The following SEH1L variants were observed in gnomAD, a reference collection of about 807,000 sequenced individuals.
The protein encoded by SEH1L is nucleoporin SEH1.
A neutral mutation model predicts 49.5 loss-of-function variants in SEH1L; 18 were observed. The ratio of observed to expected loss-of-function variants is 0.36; its 90% CI spans 0.25 to 0.54. The LOEUF is 0.54. Among genes scored for constraint, SEH1L ranks in the 20% least tolerant of loss-of-function variants. The pLI, the probability that SEH1L is intolerant of heterozygous loss-of-function variation, is 0.87. For missense variants in SEH1L, 404 were observed against 528.8 expected (o/e 0.76, Z 2.31); for synonymous variants, 169 against 178.1 (o/e 0.95, Z 0.41).
intron 6 of SEH1L, among the ~76,000 whole-genome samples, chr18:12,980,409 C>T (rs1417044836): frequency 1.1e-5 from 1 of 95,010 alleles, no homozygotes; most frequent in Non-Finnish European, 2.1e-5. Context: ...GGCGGCTGGC[C>T]GGGCGGGGGG....
chr18:12,965,864 G>A (rs1246130484), intron 4 of SEH1L, among the ~76,000 whole-genome samples: 1 of 152,034 alleles, frequency 6.6e-6, no homozygotes, highest in Admixed American at 6.6e-5. Flanking sequence ...TCCACCTTGG[G>A]GTTGTCTAGT....
intron 6 of SEH1L, among the ~76,000 whole-genome samples, chr18:12,981,769 A>G (rs1022735497): frequency 6.7e-6 from 1 of 150,370 alleles, no homozygotes; most frequent in East Asian, 1.9e-4. Context: ...TGTGAATAAC[A>G]TATTTAACTT....
At chr18:12,980,220 C>T (rs570680708) in intron 6 of SEH1L, among the ~76,000 whole-genome samples, 116 of 140,146 alleles carry the variant, frequency 8.3e-4, no homozygotes, top group African/African-American at 2.8e-3. Context: ...GCTGACCCCC[C>T]CACCTCCCTC....
chr18:12,986,620 A>G (rs2032467764), intron 8 of SEH1L: 1 of 1,118,540 alleles, frequency 8.9e-7, no homozygotes, highest in South Asian at 4.5e-5. Flanking sequence ...AGTTTAACAG[A>G]TTGTATTCCT....
intron 3 of SEH1L, among the ~76,000 whole-genome samples, chr18:12,956,277 C>G (rs1046659595): frequency 4.6e-5 from 7 of 151,942 alleles, no homozygotes; most frequent in Non-Finnish European, 1.0e-4. Flanking sequence ...ATCTCCTGAC[C>G]TCGTGATCTG....
intron 2 of SEH1L, among the ~76,000 whole-genome samples, chr18:12,952,170 T>C (rs913175485): frequency 2.0e-5 from 3 of 151,188 alleles, no homozygotes; most frequent in African/African-American, 7.3e-5. Flanking sequence ...ATTGTTGTGA[T>C]GTTTCATACA....
rs115919193 is a variant in SEH1L, at chr18:12,962,717, C to T, written c.310-443C>T. Reference sequence around the variant, plus strand: ...TGAACTCCTGAGCTCAAGCAGTCTGCCTGCCTCGGCTTCCCAAAGTTTTGG... The same window carrying T: ...TGAACTCCTGAGCTCAAGCAGTCTGTCTGCCTCGGCTTCCCAAAGTTTTGG... On this transcript the variant is annotated intron_variant, in intron 3 of 8. Coordinates refer to ENST00000399892, the MANE Select transcript of SEH1L (RefSeq NM_001013437.2). Among the ~76,000 whole-genome samples, 1,030 of 151,708 alleles carry T rather than the reference C, an allele frequency of 6.8e-3. 15 individuals carry two copies. Among genetic ancestry groups the T allele is most frequent in the East Asian group, 0.049 (255 of 5,162 alleles).
intron 5 of SEH1L, among the ~76,000 whole-genome samples, chr18:12,974,751 G>A (rs772497914): frequency 6.6e-6 from 1 of 152,304 alleles, no homozygotes; most frequent in Non-Finnish European, 1.5e-5. Flanking sequence ...GCATTTTTAT[G>A]TGTGTTATGA....
At chr18:12,985,630 G>A in intron 8 of SEH1L, 1 of 1,002,250 alleles carries the variant, frequency 1.0e-6, no homozygotes, top group African/African-American at 1.7e-5. Context: ...GGAAAATATA[G>A]ACATATTTCT....
intron 5 of SEH1L, chr18:12,975,658 G>T (rs1333575505): frequency 8.2e-6 from 8 of 978,266 alleles, no homozygotes; most frequent in Non-Finnish European, 9.7e-6. Context: ...TGCTTGCCAA[G>T]TCTGATCTCT....
chr18:12,982,434 C>T (rs1334073382), intron 6 of SEH1L, 84 bp from the exon 7 acceptor site: 11 of 930,250 alleles, frequency 1.2e-5, no homozygotes, highest in Middle Eastern at 2.4e-4. Context: ...TAGAATTTTA[C>T]GTGTGTATAT....
chr18:12,951,696 A>G (rs1007717252), intron 1 of SEH1L, among the ~76,000 whole-genome samples, 159 bp from the exon 2 acceptor site: 5 of 152,204 alleles, frequency 3.3e-5, no homozygotes, highest in African/African-American at 9.6e-5. Context: ...CAGCCTCTCA[A>G]TAAATACTTA....
chr18:12,980,230 C>A (rs1319238416), intron 6 of SEH1L, among the ~76,000 whole-genome samples: 1 of 138,630 alleles, frequency 7.2e-6, no homozygotes, highest in African/African-American at 2.7e-5. Flanking sequence ...CCACCTCCCT[C>A]CCGGACGGGG....
In SEH1L at chr18:12,954,014, T is replaced by A. The variant is rs532808418; in HGVS notation, c.163-1449T>A. ...ACTTATCTGCCTTAGTGTGCATTTT[T>A]AATTTTATAGCCCTGTATAAGTAAG... is the stretch of plus-strand genomic sequence containing the variant. On this transcript the variant is annotated intron_variant, in intron 2 of 8. Transcript: ENST00000399892. Among the ~76,000 whole-genome samples the A allele has an allele frequency of 4.7e-4, 71 of 152,336 alleles. No homozygotes were observed. In the South Asian group the frequency reaches 0.014, roughly 30 times the overall value.
At chr18:12,974,324 G>A (rs1026420713) in intron 5 of SEH1L, 2 of 151,882 alleles carry the variant, frequency 1.3e-5, no homozygotes, top group African/African-American at 4.8e-5. Flanking sequence ...TCTGTTTCCA[G>A]GCTAGAGTGC....
At chr18:12,980,473 T>TC (rs1462941123) in intron 6 of SEH1L, among the ~76,000 whole-genome samples, 1 of 11,996 alleles carries the variant, frequency 8.3e-5, no homozygotes, top group Non-Finnish European at 1.3e-4. Context: ...GGGGGGCTGA[T>TC]CCCCCAACCT....
intron 5 of SEH1L, chr18:12,972,617 G>C (rs1487226515): frequency 6.6e-6 from 1 of 152,178 alleles, no homozygotes; most frequent in Non-Finnish European, 1.5e-5. Flanking sequence ...ACTCCCGTGG[G>C]CTCTGCAATT....
intron 3 of SEH1L, among the ~76,000 whole-genome samples, chr18:12,956,292 T>C (rs1598944897): frequency 6.6e-6 from 1 of 152,132 alleles, no homozygotes; most frequent in African/African-American, 2.4e-5. Flanking sequence ...GATCTGCCTG[T>C]CGGCCTCCCA....
In SEH1L at chr18:12,955,480, A is replaced by G. The variant is rs140218685; in HGVS notation, c.180A>G (p.Val60=). The change falls in exon 3 of 9, where the codon GTA becomes GTG. Residue 60 remains valine, a synonymous_variant. Transcript: ENST00000399892. ...TASWKTHSGS[V]WRVTWAHPEF... ...TTCCCCAGACACATAGTGGATCTGT[A>G]TGGCGTGTGACATGGGCCCATCCTG... is the stretch of plus-strand genomic sequence containing the variant. 3,921 of 1,613,106 alleles carry G rather than the reference A, an allele frequency of 2.4e-3. 8 individuals are homozygous for G. Among genetic ancestry groups the G allele is most frequent in the Non-Finnish European group, 2.9e-3 (3,378 of 1,179,770 alleles).
Sources: allele counts gnomAD v4.1 joint callset (sites outside exome capture counted in the v4.1 genomes callset), GRCh38; gene constraint gnomAD v4.1.1; transcripts MANE v1.5; gene names NCBI Gene and HGNC (gene_info 2026-07-23, HGNC 2026-07-21).